The following MYL1 variants were observed in gnomAD, a reference collection of about 807,000 sequenced individuals.
MYL1 encodes myosin light chain 1/3, skeletal muscle isoform.
A neutral mutation model predicts 21.8 loss-of-function variants in MYL1; 16 were observed. The ratio of observed to expected loss-of-function variants is 0.74; its 90% CI spans 0.50 to 1.12. The LOEUF (loss-of-function observed/expected upper bound fraction) is 1.12. Ranked by LOEUF, MYL1 falls within the 50% of genes most tolerant of loss-of-function variation. The probability of loss-of-function intolerance (pLI) is 0.00; values close to 1 mark genes in which losing one functional copy is unlikely to be tolerated. For missense variants in MYL1, 246 were observed against 241.0 expected (o/e 1.02, Z -0.14); for synonymous variants, 99 against 85.2 (o/e 1.16, Z -0.89).
At chr2:210,295,927 T>C (rs1690167263) in intron 3 of MYL1, among the ~76,000 whole-genome samples, 2 of 152,106 alleles carry the variant, frequency 1.3e-5, no homozygotes, top group Non-Finnish European at 2.9e-5. Context: ...CATGATGTAA[T>C]TGGAAATTTC....
Position 210,314,999 on chromosome 2 carries a change from G to A in MYL1, c.44C>T (p.Ala15Val), listed in dbSNP as rs762562092. Residue 15 changes from alanine to valine, a missense_variant, in exon 1 of 7, where the codon GCG becomes GTG. By Grantham distance (64) the Ala-to-Val change is moderately conservative. Transcript: ENST00000352451. ...TGCCGGTGCCGGGGCTGGGGCAGCC[G>A]CAGCCGCAGCCACAGGTTTCTTCAC... ...KDVKKPVAAAAAAPAPAPAPA... is the reference protein window; with the variant it reads ...KDVKKPVAAAVAAPAPAPAPA... 31 of 1,606,482 alleles carry A rather than the reference G, an allele frequency of 1.9e-5. No individual in the cohort carries two copies. The East Asian group carries it at 2.5e-4, about 13-fold the overall frequency.
At chr2:210,292,298 C>G (rs1404611053) in intron 5 of MYL1, among the ~76,000 whole-genome samples, 1 of 152,108 alleles carries the variant, frequency 6.6e-6, no homozygotes, top group Non-Finnish European at 1.5e-5. Context: ...GTCTGGAACT[C>G]CTGACTTCAA....
At chr2:210,294,790 C>CT (rs1008917207) in intron 3 of MYL1, among the ~76,000 whole-genome samples, 6 of 151,866 alleles carry the variant, frequency 4.0e-5, no homozygotes, top group African/African-American at 1.4e-4. Flanking sequence ...TAAGTGTTAG[C>CT]TTTTTTTTAG....
At chr2:210,310,559 C>G (rs1473642096) in intron 1 of MYL1, among the ~76,000 whole-genome samples, 1 of 151,994 alleles carries the variant, frequency 6.6e-6, no homozygotes, top group African/African-American at 2.4e-5. Context: ...TGAAAAATAT[C>G]CATTTTCCAT....
intron 6 of MYL1, 69 bp downstream of exon 6, chr2:210,290,963 A>G: frequency 2.0e-6 from 2 of 987,020 alleles, no homozygotes; most frequent in African/African-American, 1.6e-5. Context: ...ATATAAACTG[A>G]AGCTGTCAAG....
chr2:210,303,059 A>T (rs1010106854), intron 1 of MYL1: 1 of 489,448 alleles, frequency 2.0e-6, no homozygotes. Flanking sequence ...TATATTTAAG[A>T]TATGTCTAAT....
intron 2 of MYL1, among the ~76,000 whole-genome samples, chr2:210,300,955 T>C (rs973586697): frequency 1.3e-5 from 2 of 152,262 alleles, no homozygotes; most frequent in East Asian, 3.9e-4. Flanking sequence ...ACATTTGTTT[T>C]CCTGCCACAA....
At chr2:210,300,250 A>G (rs1245411745) in intron 2 of MYL1, among the ~76,000 whole-genome samples, 3 of 152,186 alleles carry the variant, frequency 2.0e-5, no homozygotes, top group Non-Finnish European at 4.4e-5. Flanking sequence ...TCACTGTGAC[A>G]TTAACACTTT....
intron 1 of MYL1, chr2:210,303,666 T>C: frequency 7.0e-7 from 1 of 1,436,068 alleles, no homozygotes; most frequent in Non-Finnish European, 9.4e-7. Context: ...AGCTTTGACC[T>C]CACAGCTAGC....
Position 210,302,820 on chromosome 2 carries a change from A to G in MYL1, c.133-305T>C, listed in dbSNP as rs1690285278. On this transcript the variant is annotated intron_variant, in intron 1 of 6. Coordinates refer to ENST00000352451, the MANE Select transcript of MYL1 (RefSeq NM_079420.3). ...GCAGTGGCGAAGAAGAGAAAGAAAGAAAAAAAACTAGTACTCTTTCAAATG... is the reference window on the plus strand; with the variant it reads ...GCAGTGGCGAAGAAGAGAAAGAAAGGAAAAAAACTAGTACTCTTTCAAATG... 6 of 1,552,458 alleles carry G rather than the reference A, an allele frequency of 3.9e-6. No individual in the cohort carries two copies. The East Asian group carries it at 1.2e-4, about 31-fold the overall frequency.
At chr2:210,301,866 C>T (rs1484208368) in intron 2 of MYL1, among the ~76,000 whole-genome samples, 1 of 152,132 alleles carries the variant, frequency 6.6e-6, no homozygotes, top group Admixed American at 6.6e-5. Context: ...TCAGATTTTG[C>T]TCCTATCACT....
At chr2:210,303,132 A>G (rs771509158) in intron 1 of MYL1, among the ~76,000 whole-genome samples, 1 of 152,144 alleles carries the variant, frequency 6.6e-6, no homozygotes, top group Non-Finnish European at 1.5e-5. Flanking sequence ...TCTGTCTTCT[A>G]TTTAACCAGT....
At chr2:210,302,371 A>T in intron 2 of MYL1, 117 bp downstream of exon 2, 1 of 875,556 alleles carries the variant, frequency 1.1e-6, no homozygotes, top group South Asian at 2.3e-5. Flanking sequence ...TTATATTCAG[A>T]ATGGCAACAC....
chr2:210,308,399 AATATATATATATATATATATAT>A lies in MYL1; in HGVS notation c.133-5906_133-5885del, dbSNP rs71043988. ...CTTCAACATAGGATATACTTAGGCT[AATATATATATATATATATATAT>A]ATATATATATATATATATATTCTAG... is the stretch of plus-strand genomic sequence containing the variant. On this transcript the variant is annotated intron_variant, in intron 1 of 6. Transcript: ENST00000352451. Among the ~76,000 whole-genome samples, 60 of 84,762 alleles carry A rather than the reference AATATATATATATATATATATAT, an allele frequency of 7.1e-4. 3 individuals carry two copies. The highest frequency in any genetic ancestry group is 2.1e-3 in the African/African-American group (40 of 18,702). 55.6% of individuals were successfully genotyped at this position (84,762 alleles called of 152,430 possible). A position where few individuals can be genotyped will look rare whatever the true frequency, so the allele number is the denominator to read the frequency against.
intron 1 of MYL1, among the ~76,000 whole-genome samples, chr2:210,314,092 G>C (rs141487081): frequency 3.9e-5 from 6 of 152,238 alleles, no homozygotes; most frequent in Admixed American, 3.3e-4. Context: ...TCCAAAAGCA[G>C]ATAATCTTTT....
At chr2:210,299,567 A>T (rs1030846393) in intron 2 of MYL1, among the ~76,000 whole-genome samples, 2 of 152,138 alleles carry the variant, frequency 1.3e-5, no homozygotes, top group Admixed American at 1.3e-4. Flanking sequence ...TATTCTAATT[A>T]TAATCATTGT....
intron 3 of MYL1, among the ~76,000 whole-genome samples, chr2:210,294,798 T>A (rs1017575475): frequency 1.3e-5 from 2 of 152,176 alleles, no homozygotes; most frequent in African/African-American, 4.8e-5. Flanking sequence ...AGCTTTTTTT[T>A]AGTATTGTCC....
Position 210,293,704 on chromosome 2 carries a change from C to G in MYL1, c.556+19G>C, listed in dbSNP as rs986654432. ...ATCAGTTAAGAGTTGCTGTAACCAC[C>G]AGTGAGCATTGATTCTACCTTCGTA... is the stretch of plus-strand genomic sequence containing the variant. On this transcript the variant is annotated intron_variant, in intron 5 of 6. Transcript: ENST00000352451. 3 of 1,610,948 alleles carry G rather than the reference C, an allele frequency of 1.9e-6. No individual in the cohort carries two copies. The African/African-American group carries it at 4.0e-5, about 22-fold the overall frequency.
At chr2:210,300,380 C>T (rs1341008571) in intron 2 of MYL1, among the ~76,000 whole-genome samples, 1 of 152,114 alleles carries the variant, frequency 6.6e-6, no homozygotes, top group African/African-American at 2.4e-5. Flanking sequence ...TTTCCAGGGG[C>T]TGGTTGCCTG....
Sources: allele counts gnomAD v4.1 joint callset (sites outside exome capture counted in the v4.1 genomes callset), GRCh38; gene constraint gnomAD v4.1.1; transcripts MANE v1.5; gene names NCBI Gene and HGNC (gene_info 2026-07-23, HGNC 2026-07-21).